PCDHA4: variants seen among roughly 807,000 people sequenced by gnomAD.
PCDHA4 encodes protocadherin alpha 4, also known as protocadherin alpha-4.
A neutral mutation model predicts 61.4 loss-of-function variants in PCDHA4; 49 were observed. That is an observed-to-expected ratio of 0.80 (90% CI 0.63 to 1.01). The LOEUF (loss-of-function observed/expected upper bound fraction) is 1.01. Among genes scored for constraint, PCDHA4 ranks in the 50% least tolerant of loss-of-function variants. PCDHA4 has a pLI of 0.00. For synonymous variants in PCDHA4, 590 were observed against 550.3 expected, an observed-to-expected ratio of 1.07 and a Z score of -1.01; for missense variants, 1,254 against 1,235.8, an observed-to-expected ratio of 1.01 and a Z score of -0.22.
At position 140,850,209 on chromosome 5, in the gene PCDHA4, G is replaced by C. The variant is rs17844333; in HGVS notation, c.2385+40637G>C. ...GGCGCTGCTGACACCTCGGATGAGG[G>C]GCACTGACGGCGCAGTGAGCGAGAT... On this transcript the variant is annotated intron_variant, in intron 1 of 3. Coordinates refer to ENST00000530339, the MANE Select transcript of PCDHA4 (RefSeq NM_018907.4). 7.0e-3 allele frequency: 11,231 copies of C among 1,593,568 alleles called. 1,600 individuals carry two copies. The Admixed American group carries it at 0.15, about 21-fold the overall frequency.
chr5:140,832,282 A>C (rs1771893772), intron 1 of PCDHA4, among the ~76,000 whole-genome samples: 4 of 152,208 alleles, frequency 2.6e-5, no homozygotes, highest in Admixed American at 2.6e-4. Flanking sequence ...ATTAAGCATG[A>C]ATGGTGTATT....
At chr5:140,955,654 AT>A (rs1264049969) in intron 1 of PCDHA4, among the ~76,000 whole-genome samples, 1 of 152,208 alleles carries the variant, frequency 6.6e-6, no homozygotes, top group Non-Finnish European at 1.5e-5. Flanking sequence ...TAATACACAT[AT>A]GAATTTTAAC....
intron 1 of PCDHA4, chr5:140,823,894 T>G: frequency 6.2e-7 from 1 of 1,613,928 alleles, no homozygotes; most frequent in Non-Finnish European, 8.5e-7. Context: ...CTGTGCGGTG[T>G]CCAGCCTGCT....
chr5:140,926,629 G>C, intron 1 of PCDHA4: 1 of 406,364 alleles, frequency 2.5e-6, no homozygotes, highest in Non-Finnish European at 4.2e-6. Flanking sequence ...GCGGCGCTGC[G>C]CTCCTCAACA....
chr5:141,010,074 G>T lies in PCDHA4; in HGVS notation c.*137G>T, dbSNP rs1444826216. The stretch of plus-strand genomic sequence containing the variant: ...CTCAGAAATCTGCAGAAAGTTCCCT[G>T]TGTCTGTCTAGAACGCATTTAACAG... On this transcript the variant is annotated 3_prime_UTR_variant, in exon 4 of 4. Coordinates refer to ENST00000530339, the MANE Select transcript of PCDHA4 (RefSeq NM_018907.4). 6.8e-6 allele frequency: 11 copies of T among 1,607,726 alleles called. No individual in the cohort carries two copies. Among genetic ancestry groups the T allele is most frequent in the Non-Finnish European group, 9.3e-6 (11 of 1,176,762 alleles).
chr5:140,865,075 C>T (rs1441744566), intron 1 of PCDHA4: 2 of 152,110 alleles, frequency 1.3e-5, no homozygotes, highest in African/African-American at 4.8e-5. Flanking sequence ...AGTATAAGAA[C>T]CATGGGATAT....
chr5:140,950,694 T>C (rs1361506103), intron 1 of PCDHA4, among the ~76,000 whole-genome samples: 4 of 152,104 alleles, frequency 2.6e-5, no homozygotes, highest in African/African-American at 9.7e-5. Flanking sequence ...TAACCAAATT[T>C]GACAAATTTT....
intron 1 of PCDHA4, chr5:140,968,151 T>C: frequency 6.2e-7 from 1 of 1,614,134 alleles, no homozygotes; most frequent in Non-Finnish European, 8.5e-7. Flanking sequence ...ATCTCTGACA[T>C]CAATGACAAT....
chr5:140,880,645 C>A (rs535367313), intron 1 of PCDHA4, among the ~76,000 whole-genome samples: 1 of 152,032 alleles, frequency 6.6e-6, no homozygotes, highest in Admixed American at 6.6e-5. Context: ...CACTTGAGAG[C>A]CCAACTGAGG....
At chr5:140,917,337 G>GA (rs1240219857) in intron 1 of PCDHA4, among the ~76,000 whole-genome samples, 3 of 142,560 alleles carry the variant, frequency 2.1e-5, no homozygotes, top group Non-Finnish European at 4.7e-5. Context: ...GGGAGGGGGG[G>GA]GATGGTGTAG....
At chr5:140,952,960 T>C (rs1195156838) in intron 1 of PCDHA4, among the ~76,000 whole-genome samples, 3 of 151,932 alleles carry the variant, frequency 2.0e-5, no homozygotes, top group Non-Finnish European at 4.4e-5. Flanking sequence ...GGGGAAGTGA[T>C]ACACACTTTT....
intron 1 of PCDHA4, among the ~76,000 whole-genome samples, chr5:140,971,432 A>G (rs1446143040): frequency 6.6e-6 from 1 of 152,226 alleles, no homozygotes; most frequent in African/African-American, 2.4e-5. Context: ...AAGAACCCCA[A>G]GATCTACAGC....
At chr5:140,925,526 CGAG>C (rs2082539432) in intron 1 of PCDHA4, among the ~76,000 whole-genome samples, 1 of 151,910 alleles carries the variant, frequency 6.6e-6, no homozygotes, top group South Asian at 2.1e-4. Flanking sequence ...AAATTAAAAG[CGAG>C]GAGAAATACC....
chr5:140,847,343 G>C (rs1554141738), intron 1 of PCDHA4: 1 of 149,722 alleles, frequency 6.7e-6, no homozygotes, highest in Non-Finnish European at 1.5e-5. Flanking sequence ...CACCTCTTAG[G>C]CTGTTATCAG....
intron 1 of PCDHA4, among the ~76,000 whole-genome samples, chr5:140,978,505 C>T (rs2096806553): frequency 6.6e-6 from 1 of 152,354 alleles, no homozygotes; most frequent in South Asian, 2.1e-4. Context: ...AGATTGCAGT[C>T]CTCTGCAGTC....
intron 1 of PCDHA4, chr5:140,882,970 C>A (rs111935814): frequency 1.2e-6 from 2 of 1,614,130 alleles, no homozygotes; most frequent in African/African-American, 1.3e-5. Flanking sequence ...CGATTCTGGA[C>A]GTGAATGACA....
chr5:140,848,535 C>G (rs2150412209), intron 1 of PCDHA4: 2 of 1,595,366 alleles, frequency 1.3e-6, no homozygotes, highest in South Asian at 2.2e-5. Context: ...GGGTCAGCCT[C>G]TACTGCTCTC....
intron 1 of PCDHA4, chr5:140,859,116 A>G (rs1210233743): frequency 6.7e-6 from 1 of 150,046 alleles, no homozygotes; most frequent in Non-Finnish European, 1.5e-5. Flanking sequence ...AAGAAAATGT[A>G]TGTTTCTTTT....
At chr5:140,851,602 G>A in intron 1 of PCDHA4, 1 of 918,032 alleles carries the variant, frequency 1.1e-6, no homozygotes, top group Non-Finnish European at 1.3e-6. Flanking sequence ...TCAGTTTACA[G>A]AAATTGGAGA....
Sources: allele counts gnomAD v4.1 joint callset (sites outside exome capture counted in the v4.1 genomes callset), GRCh38; gene constraint gnomAD v4.1.1; transcripts MANE v1.5; gene names NCBI Gene and HGNC (gene_info 2026-07-23, HGNC 2026-07-21).